Variants in HUWE1 observed in about 807,000 individuals in gnomAD.
HUWE1 encodes the protein E3 ubiquitin-protein ligase HUWE1.
In HUWE1, 18 loss-of-function variants were observed where a neutral mutation model predicts 299.4. That is an observed-to-expected ratio of 0.06 (90% CI 0.04 to 0.09). HUWE1 has a LOEUF of 0.09. Among genes scored for constraint, HUWE1 ranks in the 10% least tolerant of loss-of-function variants. The pLI is 1.00. For synonymous variants in HUWE1, 1,317 were observed against 1,286.1 expected (o/e 1.02, Z -0.51); for missense variants, 1,832 against 3,462.3 (o/e 0.53, Z 11.82).
chrX:53,536,076 T>G, intron 80 of HUWE1, 71 bp downstream of exon 80: 1 of 676,770 alleles, frequency 1.5e-6, no homozygotes, highest in Admixed American at 2.3e-5. Context: ...GCAGTGCTAG[T>G]TCTAAGGTGA....
intron 3 of HUWE1, among the ~76,000 whole-genome samples, chrX:53,674,683 A>G (rs2069724376): frequency 8.9e-6 from 1 of 111,774 alleles, no homozygotes; most frequent in Non-Finnish European, 1.9e-5. Flanking sequence ...GCTATAGCAC[A>G]TTTTGTTCAT....
chrX:53,539,962 G>C (rs893129973), intron 74 of HUWE1, 150 bp from the exon 75 acceptor site: 52 of 486,413 alleles, frequency 1.1e-4, no homozygotes, highest in Non-Finnish European at 1.7e-4. Flanking sequence ...TCTGAAACAA[G>C]GTCTAGGACC....
In HUWE1 at chrX:53,588,423, T is replaced by C. The variant is rs1556975307; in HGVS notation, c.4573A>G (p.Asn1525Asp). 1 of 1,208,311 alleles carries C rather than the reference T, an allele frequency of 8.3e-7. No individual in the cohort carries two copies. The highest frequency in any genetic ancestry group is 1.1e-6 in the Non-Finnish European group (1 of 894,401). Residue 1525 changes from asparagine to aspartate, a missense_variant, in exon 37 of 84, where the codon AAT becomes GAT. By Grantham distance (23) the Asn-to-Asp change is conservative. Coordinates refer to ENST00000262854, the MANE Select transcript of HUWE1 (RefSeq NM_031407.7). The stretch of plus-strand genomic sequence containing the variant: ...AAAAGCAAGATTCTAGTAGCCAAAT[T>C]GGAGGCCTGGGGCAGTGTGGCCATC... ...SQMATLPQAS[N>D]LATRILLLTL...
At chrX:53,566,935 A>G (rs1269064997) in intron 49 of HUWE1, among the ~76,000 whole-genome samples, 2 of 112,015 alleles carry the variant, frequency 1.8e-5, no homozygotes, top group Non-Finnish European at 3.8e-5. Context: ...AAAAAATGTG[A>G]CAACCAAATG....
chrX:53,542,393 G>T, intron 74 of HUWE1, 50 bp downstream of exon 74: 1 of 825,099 alleles, frequency 1.2e-6, no homozygotes, highest in Non-Finnish European at 1.8e-6. Flanking sequence ...AGACATTCCA[G>T]AAGACTGGCT....
At chrX:53,615,719 T>C in intron 22 of HUWE1, 25 bp downstream of exon 22, 1 of 1,141,698 alleles carries the variant, frequency 8.8e-7, no homozygotes, top group Non-Finnish European at 1.2e-6. Context: ...CTCATGCTCA[T>C]GGTCACATCC....
chrX:53,560,161 T>C (rs373093016), intron 56 of HUWE1, 27 bp downstream of exon 56: 41 of 1,126,611 alleles, frequency 3.6e-5, no homozygotes, highest in Non-Finnish European at 3.9e-5. Flanking sequence ...AGAGCTCCGA[T>C]GAATCCAACA....
intron 74 of HUWE1, 63 bp from the exon 75 acceptor site, chrX:53,539,875 T>C: frequency 9.4e-7 from 1 of 1,062,005 alleles, no homozygotes; most frequent in South Asian, 2.0e-5. Context: ...TAGATCTTTC[T>C]AGACCACACG....
chrX:53,535,170 A>AG lies in HUWE1; in HGVS notation c.12649+213_12649+214insC, dbSNP rs2060975530. 1.3e-4 allele frequency among the ~76,000 whole-genome samples: 14 copies of AG among 111,388 alleles called. No individual in the cohort carries two copies. In the East Asian group the frequency reaches 3.7e-3, roughly 29 times the overall value. ...GGCTGGTCTCAAACTCCTCACCTCA[A>AG]CTGATCCGCCCACCTTGGCCTCCCA... On this transcript the variant is annotated intron_variant, in intron 81 of 83. Transcript: ENST00000262854.
intron 4 of HUWE1, among the ~76,000 whole-genome samples, chrX:53,650,666 G>A (rs782109908): frequency 8.9e-6 from 1 of 111,941 alleles, no homozygotes; most frequent in Non-Finnish European, 1.9e-5. Flanking sequence ...TACCAAATCT[G>A]GGGAAAAAAT....
chrX:53,617,014 T>C lies in HUWE1; in HGVS notation c.1913A>G (p.Asp638Gly). The C allele has an allele frequency of 8.3e-7, 1 of 1,211,075 alleles. No individual in the cohort carries two copies. Among genetic ancestry groups the C allele is most frequent in the Non-Finnish European group, 1.1e-6 (1 of 895,014 alleles). The part of the protein sequence containing the change: ...ERLFKVLLSP[D>G]YLPAMRRRRS... Reference sequence around the variant, plus strand: ...CCTCCTCCGCATGGCTGGGAGGTAATCTGGAGACAGAAGAACTTTGAAGAG... The same window carrying C: ...CCTCCTCCGCATGGCTGGGAGGTAACCTGGAGACAGAAGAACTTTGAAGAG... The change falls in exon 21 of 84, where the codon GAT becomes GGT. Residue 638 changes from aspartate to glycine, a missense_variant. Asp to Gly is a moderately conservative substitution (Grantham distance 94). This residue lies in a region of HUWE1 where 658 missense variants were observed against 1,282.6 expected (regional missense o/e 0.51). Coordinates refer to ENST00000262854, the MANE Select transcript of HUWE1 (RefSeq NM_031407.7).
chrX:53,549,719 CT>C (rs1322202199), intron 66 of HUWE1, among the ~76,000 whole-genome samples: 2 of 110,278 alleles, frequency 1.8e-5, no homozygotes, highest in African/African-American at 6.6e-5. Flanking sequence ...CCTTTCAGGG[CT>C]GCTGTACAGC....
At chrX:53,555,228 C>T (rs901785486) in intron 60 of HUWE1, among the ~76,000 whole-genome samples, 8 of 112,117 alleles carry the variant, frequency 7.1e-5, no homozygotes, top group Admixed American at 1.9e-4. Flanking sequence ...GGCTAAATGT[C>T]TCTGACCTAT....
chrX:53,593,686 T>C (rs2064283349), intron 31 of HUWE1, 85 bp from the exon 32 acceptor site: 3 of 663,346 alleles, frequency 4.5e-6, no homozygotes, highest in Non-Finnish European at 7.4e-6. Context: ...CCCCAATCTC[T>C]ATATTGGCCC....
Position 53,545,058 on chromosome X carries a change from G to A in HUWE1, c.11019C>T (p.Thr3673=). The change falls in exon 71 of 84, where the codon ACC becomes ACT. Residue 3673 remains threonine (T), a synonymous_variant. Transcript: ENST00000262854. Reference sequence around the variant, plus strand: ...TCTGCATTTTGCCCTTCAGCTTGGTGGTCTGTGGCTGCTCCTCAGGCAGGC... The same window carrying A: ...TCTGCATTTTGCCCTTCAGCTTGGTAGTCTGTGGCTGCTCCTCAGGCAGGC... ...PDGLPEEQPQ[T]TKLKGKMQSR... The A allele has an allele frequency of 8.3e-7, 1 of 1,210,643 alleles. No individual in the cohort carries two copies. Among genetic ancestry groups the A allele is most frequent in the South Asian group, 1.8e-5 (1 of 56,793 alleles).
chrX:53,583,430 G>A lies in HUWE1; in HGVS notation c.5520+128C>T, dbSNP rs1047650531. 9.5e-6 allele frequency: 5 copies of A among 524,651 alleles called. No individual in the cohort carries two copies. The African/African-American group carries it at 1.2e-4, about 12-fold the overall frequency. The allele number at this position is 524,651 out of a possible 1,213,427, so 43.2% of individuals were successfully genotyped here. A position where few individuals can be genotyped will look rare whatever the true frequency, so the allele number is the denominator to read the frequency against. ...GCATAGAGTTGGAAAATTCTGTTGG[G>A]TGGAGTATACAGTATACATATCTAG... On this transcript the variant is annotated intron_variant, in intron 42 of 83. Transcript: ENST00000262854.
chrX:53,617,229 G>C, intron 20 of HUWE1, 82 bp from the exon 21 acceptor site: 1 of 1,026,995 alleles, frequency 9.7e-7, no homozygotes, highest in Non-Finnish European at 1.4e-6. Context: ...ATCAAGCTGA[G>C]ATAGAAGGAA....
chrX:53,663,385 T>C (rs782226016), intron 3 of HUWE1, among the ~76,000 whole-genome samples: 3 of 111,327 alleles, frequency 2.7e-5, no homozygotes, highest in African/African-American at 6.5e-5. Flanking sequence ...TGGTGGCGCA[T>C]GTCTGTAATC....
chrX:53,603,862 A>AAGTAC (rs2065018209), intron 26 of HUWE1, among the ~76,000 whole-genome samples: 1 of 112,464 alleles, frequency 8.9e-6, no homozygotes, highest in African/African-American at 3.2e-5. Flanking sequence ...TTACTTCAGT[A>AAGTAC]AGTACCTAGA....
Sources: gnomAD v4.1 joint callset for allele counts (sites outside exome capture counted in the v4.1 genomes callset) on GRCh38, gnomAD v4.1.1 for gene constraint, gnomAD v4.1.1 regional missense constraint, MANE v1.5 for transcripts, NCBI Gene and HGNC (gene_info 2026-07-23, HGNC 2026-07-21) for gene names.